Variants in ZNF398 observed in about 807,000 individuals in gnomAD.
ZNF398 encodes zinc finger DNA binding protein ZER6.
In ZNF398, 18 loss-of-function variants were observed where a neutral mutation model predicts 41.9. The observed-to-expected ratio is 0.43, with a 90% CI of 0.30 to 0.64. ZNF398 has a LOEUF of 0.64. Ranked by LOEUF, ZNF398 falls within the 30% of genes least tolerant of loss-of-function variation. ZNF398 has a pLI of 0.14. For missense variants in ZNF398, 669 were observed against 822.8 expected (o/e 0.81, Z 2.29); for synonymous variants, 260 against 308.8 (o/e 0.84, Z 1.66).
intron 4 of ZNF398, among the ~76,000 whole-genome samples, chr7:149,169,051 C>T (rs1429261835): frequency 3.3e-5 from 5 of 152,212 alleles, no homozygotes; most frequent in African/African-American, 1.2e-4. Context: ...TCATAGACCT[C>T]AGCAAGTACA....
intron 1 of ZNF398, among the ~76,000 whole-genome samples, chr7:149,152,546 A>T (rs1291472377): frequency 2.0e-5 from 3 of 148,714 alleles, no homozygotes; most frequent in Non-Finnish European, 3.0e-5. Context: ...GGCGTGAGCC[A>T]CCGCGCCTGG....
chr7:149,146,031 C>A (rs929564453), upstream of ZNF398, among the ~76,000 whole-genome samples: 6 of 150,166 alleles, frequency 4.0e-5, no homozygotes, highest in African/African-American at 1.5e-4. Flanking sequence ...CTGCAACCTC[C>A]GCCTCCTGGG....
At chr7:149,155,714 T>TTA (rs1794956461) in intron 2 of ZNF398, among the ~76,000 whole-genome samples, 1 of 31,822 alleles carries the variant, frequency 3.1e-5, no homozygotes, top group African/African-American at 8.0e-5. Flanking sequence ...TATATTTTTT[T>TTA]TTTTTTTTTT....
intron 2 of ZNF398, among the ~76,000 whole-genome samples, chr7:149,131,198 G>A (rs1391770695): frequency 6.6e-6 from 1 of 152,098 alleles, no homozygotes; most frequent in Non-Finnish European, 1.5e-5. Flanking sequence ...TTCAGTGTAG[G>A]GGTATCTCAA....
At chr7:149,175,356 A>T (rs74606420) in intron 4 of ZNF398, among the ~76,000 whole-genome samples, 1 of 152,002 alleles carries the variant, frequency 6.6e-6, no homozygotes, top group South Asian at 2.1e-4. Flanking sequence ...AAAAAAAAAA[A>T]TAATAAAGCC....
intron 2 of ZNF398, among the ~76,000 whole-genome samples, chr7:149,158,188 A>AT (rs1439552659): frequency 6.6e-6 from 1 of 152,216 alleles, no homozygotes; most frequent in African/African-American, 2.4e-5. Context: ...AGAAAAAAAA[A>AT]GCATCCCAAG....
intron 1 of ZNF398, among the ~76,000 whole-genome samples, chr7:149,128,454 C>A (rs1400851229): frequency 6.6e-6 from 1 of 152,006 alleles, no homozygotes; most frequent in Admixed American, 6.6e-5. Context: ...TTAAAAGGTG[C>A]TAGATTCTCT....
chr7:149,171,001 G>A (rs1416497983), intron 4 of ZNF398, among the ~76,000 whole-genome samples: 2 of 141,902 alleles, frequency 1.4e-5, no homozygotes, highest in Non-Finnish European at 3.0e-5. Flanking sequence ...GTGCCACCAC[G>A]CCCGGCTAAT....
Position 149,153,882 on chromosome 7 carries a change from T to G in ZNF398, c.25-63T>G, listed in dbSNP as rs538256743. 53 of 1,532,946 alleles carry G rather than the reference T, an allele frequency of 3.5e-5. No individual in the cohort carries two copies. In the South Asian group the frequency reaches 4.0e-4, roughly 12 times the overall value. The allele number at this position is 1,532,946 out of a possible 1,614,324, so 95.0% of individuals were successfully genotyped here. A position where few individuals can be genotyped will look rare whatever the true frequency, so the allele number is the denominator to read the frequency against. On this transcript the variant is annotated intron_variant, in intron 1 of 5. Transcript: ENST00000475153. ...CAGTTAAGCAGTCCTTATCTGATTT[T>G]AGTTTGGAGTTAGGGTTCCTTCTAA...
intron 1 of ZNF398, among the ~76,000 whole-genome samples, chr7:149,126,945 C>A (rs1826493273): frequency 6.6e-6 from 1 of 152,330 alleles, no homozygotes; most frequent in East Asian, 1.9e-4. Flanking sequence ...AGAAAGGCCT[C>A]GGGCAGAGAC....
At position 149,176,185 on chromosome 7, in the gene ZNF398, A is replaced by T. The variant is rs981835582; in HGVS notation, c.662-283A>T. 7.9e-5 allele frequency among the ~76,000 whole-genome samples: 12 copies of T among 151,822 alleles called. No homozygotes were observed. The East Asian group carries it at 1.2e-3, about 15-fold the overall frequency. ...ATCTCTACTAAAAACAAAAAAATTT[A>T]AAAAAAACTTAGCTGGGCGTGGTGG... On this transcript the variant is annotated intron_variant, in intron 4 of 5. Transcript: ENST00000475153.
rs1245813806 is a variant in ZNF398 at position 149,174,104 on chromosome 7, T to G, written c.662-2364T>G. ...CCACCATGCCCGGCCTGATGTAGCA[T>G]AATTCTTAAGAGCCCTAGGGTTTTC... On this transcript the variant is annotated intron_variant, in intron 4 of 5. Transcript: ENST00000475153. 4.6e-5 allele frequency among the ~76,000 whole-genome samples: 7 copies of G among 152,098 alleles called. No homozygotes were observed. The East Asian group carries it at 1.4e-3, about 29-fold the overall frequency.
intron 2 of ZNF398, 81 bp from the exon 3 acceptor site, chr7:149,166,075 AAT>A: frequency 6.9e-7 from 1 of 1,455,732 alleles, no homozygotes; most frequent in Non-Finnish European, 9.3e-7. Flanking sequence ...ATGTAAAAAA[AAT>A]AAAAGGAACT....
In ZNF398 at chr7:149,179,330, T is replaced by G; in HGVS notation, c.1458T>G (p.Pro486=). 1.2e-6 allele frequency: 2 copies of G among 1,613,306 alleles called. No individual in the cohort carries two copies. The highest frequency in any genetic ancestry group is 1.7e-6 in the Non-Finnish European group (2 of 1,179,978). The change falls in exon 6 of 6, where the codon CCT becomes CCG. Residue 486 remains proline (P), a synonymous_variant. Transcript: ENST00000475153. This position sits in a 1 kb window ranked among gnomAD's most constrained non-coding sequence, Gnocchi z 6.1. Reference sequence around the variant, plus strand: ...CACAAGAGCGCCCTTTCTCCTGCCCTCAGTGTGGCATTGACTTCAACGGCC... The same window carrying G: ...CACAAGAGCGCCCTTTCTCCTGCCCGCAGTGTGGCATTGACTTCAACGGCC... The part of the protein sequence containing the change: ...GHAQERPFSC[P]QCGIDFNGHS...
chr7:149,140,631 G>A (rs941119587), intron 2 of ZNF398, among the ~76,000 whole-genome samples: 5 of 151,958 alleles, frequency 3.3e-5, no homozygotes, highest in Admixed American at 2.0e-4. Context: ...TGATCCACCC[G>A]ACTCGGCCTC....
chr7:149,141,453 T>A (rs958189201), intron 2 of ZNF398, among the ~76,000 whole-genome samples: 3 of 132,572 alleles, frequency 2.3e-5, no homozygotes, highest in African/African-American at 8.3e-5. Flanking sequence ...TTTTCTTTTT[T>A]TTCTTTTTTT....
At chr7:149,146,534 A>C (rs1198997259), upstream of ZNF398, among the ~76,000 whole-genome samples, 3 of 152,012 alleles carry the variant, frequency 2.0e-5, no homozygotes, top group African/African-American at 7.2e-5. Context: ...TGGACGACAG[A>C]GGGAGACTGT....
chr7:149,164,695 T>C (rs1271481993), intron 2 of ZNF398, among the ~76,000 whole-genome samples: 1 of 152,222 alleles, frequency 6.6e-6, no homozygotes, highest in East Asian at 1.9e-4. Context: ...GTAAAAGACT[T>C]CTGGCATTAC....
intron 4 of ZNF398, 44 bp from the exon 5 acceptor site, chr7:149,176,424 A>C (rs2129521775): frequency 7.9e-7 from 1 of 1,264,068 alleles, no homozygotes; most frequent in Non-Finnish European, 1.2e-6. Context: ...TTACCTTCTT[A>C]TTCAAGTTCA....
Sources: gnomAD v4.1 joint callset for allele counts (sites outside exome capture counted in the v4.1 genomes callset) on GRCh38, gnomAD v4.1.1 for gene constraint, Gnocchi (gnomAD v3.1) non-coding constraint, MANE v1.5 for transcripts, NCBI Gene and HGNC (gene_info 2026-07-23, HGNC 2026-07-21) for gene names.